The following DNAH9 variants were observed in gnomAD, a reference collection of about 807,000 sequenced individuals.
DNAH9 encodes the protein dynein axonemal heavy chain 9.
In DNAH9, 345 loss-of-function variants were observed where a neutral mutation model predicts 471.6. The observed-to-expected ratio is 0.73, with a 90% CI of 0.67 to 0.80. DNAH9 has a LOEUF of 0.80. Among genes scored for constraint, DNAH9 ranks in the 30% least tolerant of loss-of-function variants. DNAH9 has a pLI of 0.00. For synonymous variants in DNAH9, 2,093 were observed against 2,123.6 expected (o/e 0.99, Z 0.40); for missense variants, 5,407 against 5,609.2 (o/e 0.96, Z 1.15).
chr17:11,774,122 T>C (rs1968327993), intron 38 of DNAH9, among the ~76,000 whole-genome samples: 2 of 149,608 alleles, frequency 1.3e-5, no homozygotes, highest in Non-Finnish European at 3.0e-5. Flanking sequence ...GGCAACAGAG[T>C]GAGATCCCTG....
At chr17:11,740,902 T>A (rs1198045085) in intron 29 of DNAH9, among the ~76,000 whole-genome samples, 1 of 152,200 alleles carries the variant, frequency 6.6e-6, no homozygotes, top group Non-Finnish European at 1.5e-5. Flanking sequence ...TTCCCAATAC[T>A]GCAACAGTAG....
chr17:11,957,329 A>G (rs1975697862), intron 67 of DNAH9, among the ~76,000 whole-genome samples: 3 of 152,180 alleles, frequency 2.0e-5, no homozygotes, highest in African/African-American at 7.2e-5. Flanking sequence ...ACATTTAAGG[A>G]TTAAATAATA....
chr17:11,637,177 T>G (rs567843991), intron 9 of DNAH9, among the ~76,000 whole-genome samples: 1 of 152,330 alleles, frequency 6.6e-6, no homozygotes, highest in African/African-American at 2.4e-5. Flanking sequence ...ATAGCAACCA[T>G]GCTTCTGGTG....
chr17:11,855,212 C>T (rs575945107), intron 50 of DNAH9, among the ~76,000 whole-genome samples: 183 of 152,052 alleles, frequency 1.2e-3, no homozygotes, highest in Non-Finnish European at 1.8e-3. Context: ...CAGAATCCAG[C>T]TTCAAGAGTT....
chr17:11,822,911 C>T lies in DNAH9; in HGVS notation c.9123C>T (p.Pro3041=), dbSNP rs771599007. 1 of 1,614,230 alleles carries T rather than the reference C, an allele frequency of 6.2e-7. No homozygotes were observed. Residue 3041 remains proline, a synonymous_variant, in exon 48 of 69, where the codon CCC becomes CCT. Transcript: ENST00000262442. ...AACAGCGCTACAACTATACAACTCC[C>T]AAGTCCTTTCTGGAGTTCATCAGAC... The part of the protein sequence containing the change: ...SNEQRYNYTT[P]KSFLEFIRLY...
At chr17:11,802,874 A>T (rs1018797515) in intron 43 of DNAH9, among the ~76,000 whole-genome samples, 7 of 152,094 alleles carry the variant, frequency 4.6e-5, no homozygotes, top group Non-Finnish European at 7.4e-5. Flanking sequence ...TGCAGTTTTG[A>T]TGCTGAACTC....
In DNAH9 at chr17:11,598,850, G is replaced by A; in HGVS notation, c.352G>A (p.Gly118Ser). ...PEPPGPDSFR[G>S]AVVCGDLPAA... ...GCCTCCAGGGCCCGACAGCTTCCGC[G>A]GCGCAGTGGTCTGCGGGGACCTGCC... The change falls in exon 1 of 69, where the codon GGC becomes AGC. Residue 118 changes from glycine (G) to serine (S), a missense_variant. Transcript: ENST00000262442. The A allele has an allele frequency of 6.6e-7, 1 of 1,526,254 alleles. No individual in the cohort carries two copies. The highest frequency in any genetic ancestry group is 1.2e-5 in the South Asian group (1 of 84,098). 94.5% of individuals were successfully genotyped at this position (1,526,254 alleles called of 1,614,324 possible). A position where few individuals can be genotyped will look rare whatever the true frequency, so the allele number is the denominator to read the frequency against.
At chr17:11,801,067 C>A (rs1397463179) in intron 43 of DNAH9, among the ~76,000 whole-genome samples, 1 of 152,110 alleles carries the variant, frequency 6.6e-6, no homozygotes, top group Non-Finnish European at 1.5e-5. Flanking sequence ...TAGTGCTTTG[C>A]ATATATCATT....
intron 49 of DNAH9, among the ~76,000 whole-genome samples, chr17:11,843,888 T>TATATATATATATATATACATAC (rs1188211391): frequency 4.5e-5 from 6 of 133,090 alleles, no homozygotes; most frequent in African/African-American, 1.7e-4. Flanking sequence ...TATATATATA[T>TATATATATATATATATACATAC]ATACACATAG....
intron 45 of DNAH9, 47 bp from the exon 46 acceptor site, chr17:11,821,873 T>C: frequency 1.3e-6 from 2 of 1,580,568 alleles, no homozygotes; most frequent in East Asian, 2.2e-5. Flanking sequence ...GATTGCATCA[T>C]TTAACGAGAT....
rs112821845 is a variant in DNAH9, at chr17:11,877,880, G to A, written c.10479-2198G>A. Among the ~76,000 whole-genome samples the A allele has an allele frequency of 1.8e-3, 267 of 152,048 alleles. 6 individuals carry two copies. In the East Asian group the frequency reaches 0.042, roughly 24 times the overall value. ...CTTCCGAGTAGCTGGGATCACAGGCGTGTGCCACTATGCCTGGCTAATATT... is the reference window on the plus strand; with the variant it reads ...CTTCCGAGTAGCTGGGATCACAGGCATGTGCCACTATGCCTGGCTAATATT... On this transcript the variant is annotated intron_variant, in intron 53 of 68. Coordinates refer to ENST00000262442, the MANE Select transcript of DNAH9 (RefSeq NM_001372.4).
At chr17:11,760,192 T>C (rs953532508) in intron 35 of DNAH9, among the ~76,000 whole-genome samples, 1 of 152,238 alleles carries the variant, frequency 6.6e-6, no homozygotes, top group Non-Finnish European at 1.5e-5. Flanking sequence ...CTATTGTGAA[T>C]AGTGCTGCAA....
intron 43 of DNAH9, among the ~76,000 whole-genome samples, chr17:11,804,767 G>T (rs1162890720): frequency 1.3e-5 from 2 of 151,970 alleles, no homozygotes; most frequent in Middle Eastern, 6.3e-3. Context: ...CCAGCTACTC[G>T]GGAGGCTGAG....
chr17:11,714,832 C>T (rs997183461), intron 26 of DNAH9, among the ~76,000 whole-genome samples: 1 of 152,082 alleles, frequency 6.6e-6, no homozygotes, highest in Non-Finnish European at 1.5e-5. Flanking sequence ...CTGAGAGATC[C>T]CCTGGCCAAC....
chr17:11,740,621 A>C (rs1468584918), intron 29 of DNAH9, among the ~76,000 whole-genome samples: 1 of 152,238 alleles, frequency 6.6e-6, no homozygotes. Flanking sequence ...TTTGGAAATA[A>C]ACATATTTTT....
chr17:11,776,124 C>A (rs1264241329), intron 38 of DNAH9, among the ~76,000 whole-genome samples: 1 of 152,126 alleles, frequency 6.6e-6, no homozygotes, highest in African/African-American at 2.4e-5. Flanking sequence ...GTTCTTTAAT[C>A]CTCCCCAGCC....
At chr17:11,931,542 G>A (rs563762191) in intron 63 of DNAH9, among the ~76,000 whole-genome samples, 1 of 152,288 alleles carries the variant, frequency 6.6e-6, no homozygotes, top group East Asian at 1.9e-4. Context: ...GATTCAAGGA[G>A]CAAAACACAT....
rs1467069660 is a variant in DNAH9, at chr17:11,704,439, G to C, written c.5388G>C (p.Gln1796His). The C allele has an allele frequency of 6.2e-7, 1 of 1,612,596 alleles. No homozygotes were observed. The highest frequency in any genetic ancestry group is 2.2e-5 in the East Asian group (1 of 44,874). ...ARDVVAKMIA[Q>H]KVDNAQAFLW... ...ATGTGGTAGCCAAGATGATTGCTCA[G>C]AAGGTGGGTCCCAAACATCCAGGGA... The change falls in exon 25 of 69, where the codon CAG (glutamine) becomes CAC (histidine). Residue 1796 changes from glutamine to histidine, a missense_variant. Gln to His is a conservative substitution (Grantham distance 24). Around this residue, in one of 3 missense-constraint regions of DNAH9, gnomAD observed 4,636 missense variants for 4,900.3 expected, o/e 0.95. Coordinates refer to ENST00000262442, the MANE Select transcript of DNAH9 (RefSeq NM_001372.4).
chr17:11,607,054 C>T (rs904238640), intron 1 of DNAH9, among the ~76,000 whole-genome samples: 2 of 152,192 alleles, frequency 1.3e-5, no homozygotes, highest in South Asian at 2.1e-4. Context: ...AATAACCTAA[C>T]GTTCACCCTA....
Sources: gnomAD v4.1 joint callset for allele counts (sites outside exome capture counted in the v4.1 genomes callset) on GRCh38, gnomAD v4.1.1 for gene constraint, gnomAD v4.1.1 regional missense constraint, MANE v1.5 for transcripts, NCBI Gene and HGNC (gene_info 2026-07-23, HGNC 2026-07-21) for gene names.